Variants in NR1I2 observed in about 807,000 individuals in gnomAD.
NR1I2 encodes nuclear receptor subfamily 1 group I member 2.
In NR1I2, 42 loss-of-function variants were observed where a neutral mutation model predicts 43.3. The observed-to-expected ratio is 0.97, with a 90% CI of 0.76 to 1.26. NR1I2 has a LOEUF of 1.26. NR1I2 is among the 50% of genes most tolerant of loss of function. The pLI is 0.00. For synonymous variants in NR1I2, 229 were observed against 215.0 expected (o/e 1.06, Z -0.57); for missense variants, 559 against 566.7 (o/e 0.99, Z 0.14).
chr3:119,798,190 G>A (rs934664767), intron 1 of NR1I2, among the ~76,000 whole-genome samples: 3 of 151,932 alleles, frequency 2.0e-5, no homozygotes, highest in Non-Finnish European at 2.9e-5. Context: ...TGTCTCTTAC[G>A]CCCTGTTCTT....
intron 1 of NR1I2, among the ~76,000 whole-genome samples, chr3:119,801,294 G>A (rs965333097): frequency 2.0e-5 from 3 of 152,192 alleles, no homozygotes; most frequent in Admixed American, 6.5e-5. Context: ...CTTTCACTCA[G>A]TACAGGAGAT....
chr3:119,782,962 G>C, intron 1 of NR1I2: 1 of 887,282 alleles, frequency 1.1e-6, no homozygotes, highest in Non-Finnish European at 1.9e-6. Flanking sequence ...TTACAGCCCA[G>C]CTCGGCTGAA....
intron 1 of NR1I2, chr3:119,782,978 G>A: frequency 3.8e-6 from 3 of 795,312 alleles, no homozygotes; most frequent in Non-Finnish European, 6.5e-6. Context: ...CTGAAGCTAT[G>A]GCCAGAGGCA....
At chr3:119,784,527 ATTG>A (rs1341875188) in intron 1 of NR1I2, among the ~76,000 whole-genome samples, 3 of 151,940 alleles carry the variant, frequency 2.0e-5, no homozygotes, top group South Asian at 2.1e-4. Flanking sequence ...TTTTACTATT[ATTG>A]TTGTTGTTAT....
At chr3:119,811,471 TG>T in intron 3 of NR1I2, 67 bp from the exon 4 acceptor site, 1 of 1,477,024 alleles carries the variant, frequency 6.8e-7, no homozygotes, top group Non-Finnish European at 9.2e-7. Context: ...GGTTACACAG[TG>T]GCTCTCCAGG....
At chr3:119,811,339 A>G in intron 3 of NR1I2, 200 bp from the exon 4 acceptor site, 1 of 581,852 alleles carries the variant, frequency 1.7e-6, no homozygotes, top group Non-Finnish European at 3.0e-6. Flanking sequence ...GCCTCACCTC[A>G]TCTCTGTCCT....
chr3:119,798,639 CAAAA>C (rs142013482), intron 1 of NR1I2, among the ~76,000 whole-genome samples: 1 of 121,644 alleles, frequency 8.2e-6, no homozygotes, highest in African/African-American at 3.2e-5. Flanking sequence ...GACTCCGTCT[CAAAA>C]AAAAAAAAAA....
In NR1I2 at chr3:119,817,163, C is replaced by G. The variant is rs1463325700; in HGVS notation, c.1256C>G (p.Pro419Arg). The G allele has an allele frequency of 1.2e-6, 2 of 1,614,220 alleles. No homozygotes were observed. The highest frequency in any genetic ancestry group is 1.7e-6 in the Non-Finnish European group (2 of 1,180,022). The stretch of plus-strand genomic sequence containing the variant: ...CTGCTGCGCATCCAGGACATACACC[C>G]CTTTGCTACGCCCCTCATGCAGGAG... The change falls in exon 9 of 9, where the codon CCC becomes CGC. Residue 419 changes from proline (P) to arginine (R), a missense_variant. By Grantham distance (103) the Pro-to-Arg change is moderately radical. Transcript: ENST00000393716.
chr3:119,805,416 C>T (rs1347214219), intron 1 of NR1I2, among the ~76,000 whole-genome samples: 2 of 151,956 alleles, frequency 1.3e-5, no homozygotes, highest in African/African-American at 2.4e-5. Flanking sequence ...TCTGGCCAGA[C>T]GCGGTGGCTC....
intron 8 of NR1I2, among the ~76,000 whole-genome samples, 188 bp downstream of exon 8, chr3:119,816,019 G>T (rs767430619): frequency 6.6e-6 from 1 of 152,172 alleles, no homozygotes; most frequent in African/African-American, 2.4e-5. Context: ...ACAGGGGGAC[G>T]TGGCCCAGAA....
chr3:119,784,558 T>C (rs1414827386), intron 1 of NR1I2, among the ~76,000 whole-genome samples: 2 of 152,228 alleles, frequency 1.3e-5, no homozygotes, highest in African/African-American at 4.8e-5. Context: ...TAGTTGAATC[T>C]GTTAGTTTCC....
Position 119,809,560 on chromosome 3 carries a change from G to T in NR1I2, c.198-501G>T, listed in dbSNP as rs879817450. Among the ~76,000 whole-genome samples the T allele has an allele frequency of 7.4e-3, 1,032 of 138,886 alleles. 5 individuals are homozygous for T. The highest frequency in any genetic ancestry group is 0.012 in the Non-Finnish European group (765 of 63,294). The allele number at this position is 138,886 out of a possible 152,430, so 91.1% of individuals were successfully genotyped here. A position where few individuals can be genotyped will look rare whatever the true frequency, so the allele number is the denominator to read the frequency against. The stretch of plus-strand genomic sequence containing the variant: ...GGCGGCGGGGGGTGGGGGGAAGGCG[G>T]GGGGGAAGGCGGGGGGGTGGGGCGG... On this transcript the variant is annotated intron_variant, in intron 2 of 8. Coordinates refer to ENST00000393716, the MANE Select transcript of NR1I2 (RefSeq NM_003889.4).
intron 1 of NR1I2, chr3:119,802,900 T>C (rs1312639825): frequency 2.2e-6 from 1 of 456,656 alleles, no homozygotes; most frequent in African/African-American, 2.0e-5. Context: ...GAGTGCCATG[T>C]TCTGAATGTT....
rs1481168655 is a variant in NR1I2 at position 119,802,014 on chromosome 3, T to A, written c.-22-5215T>A. ...AAAGCAGAAGCTACCAGGCTTCTTATAGCGTAGACCCAGAATTGTCTCTTC... is the reference window on the plus strand; with the variant it reads ...AAAGCAGAAGCTACCAGGCTTCTTAAAGCGTAGACCCAGAATTGTCTCTTC... On this transcript the variant is annotated intron_variant, in intron 1 of 8. Transcript: ENST00000393716. Among the ~76,000 whole-genome samples the A allele has an allele frequency of 2.6e-5, 4 of 152,188 alleles. 1 individual carries two copies. Among genetic ancestry groups the A allele is most frequent in the Admixed American group, 1.3e-4 (2 of 15,276 alleles).
intron 8 of NR1I2, 27 bp downstream of exon 8, chr3:119,815,858 G>A (rs372035495): frequency 2.2e-5 from 34 of 1,561,664 alleles, no homozygotes; most frequent in South Asian, 8.1e-5. Flanking sequence ...GTGAGGACCC[G>A]TGAGGGTGAT....
rs74699952 is a variant in NR1I2, at chr3:119,813,874, C to G, written c.794+914C>G. ...ATTTAACACCAGGGCTTCCCACTTG[C>G]TATTTCTCAAGGCCACCAATGTCGA... On this transcript the variant is annotated intron_variant, in intron 5 of 8. Transcript: ENST00000393716. Among the ~76,000 whole-genome samples the G allele has an allele frequency of 1.5e-3, 233 of 152,272 alleles. 1 individual carries two copies. In the East Asian group the frequency reaches 0.021, roughly 14 times the overall value.
intron 1 of NR1I2, chr3:119,791,690 G>A (rs527531935): frequency 8.1e-5 from 28 of 346,742 alleles, no homozygotes; most frequent in Admixed American, 1.9e-4. Flanking sequence ...TGAGGCGGGC[G>A]GATCACTTGA....
rs12721600 is a variant in NR1I2 at position 119,812,709 on chromosome 3, C to T, written c.543C>T (p.Gly181=). 1.5e-3 allele frequency: 2,470 copies of T among 1,614,126 alleles called. 35 individuals carry two copies. The highest frequency in any genetic ancestry group is 4.3e-4 in the Non-Finnish European group (507 of 1,180,028). Residue 181 remains glycine (G), a synonymous_variant, in exon 5 of 9, where the codon GGC becomes GGT. Coordinates refer to ENST00000393716, the MANE Select transcript of NR1I2 (RefSeq NM_003889.4). ...AGCTGCCAGGGGTGCTTAGCAGTGG[C>T]TGCGAGTTGCCAGAGTCTCTGCAGG...
chr3:119,785,048 A>G (rs1314881507), intron 1 of NR1I2, among the ~76,000 whole-genome samples: 2 of 152,118 alleles, frequency 1.3e-5, no homozygotes, highest in African/African-American at 4.8e-5. Context: ...TTCCTTTCCA[A>G]TCTTTACAAA....
Sources: allele counts gnomAD v4.1 joint callset (sites outside exome capture counted in the v4.1 genomes callset), GRCh38; gene constraint gnomAD v4.1.1; transcripts MANE v1.5; gene names NCBI Gene and HGNC (gene_info 2026-07-23, HGNC 2026-07-21).